The following EIF3E variants were observed in gnomAD, a reference collection of about 807,000 sequenced individuals.
The protein encoded by EIF3E is eukaryotic translation initiation factor 3 subunit E, also known as eIF-3 p48.
Under a neutral mutation model 59.3 loss-of-function variants are expected in EIF3E, and 25 were observed. The ratio of observed to expected loss-of-function variants is 0.42; its 90% CI spans 0.31 to 0.59. The LOEUF (loss-of-function observed/expected upper bound fraction) is 0.59. EIF3E is among the 20% of genes least tolerant of loss of function. EIF3E has a pLI of 0.15. For missense variants in EIF3E, 317 were observed against 534.3 expected (o/e 0.59, Z 4.01); for synonymous variants, 176 against 170.2 (o/e 1.03, Z -0.26).
intron 5 of EIF3E, chr8:108,233,631 CA>C: frequency 2.5e-6 from 1 of 397,800 alleles, no homozygotes; most frequent in Non-Finnish European, 5.1e-6. Context: ...CACTTCAGGC[CA>C]GGAGTTTGAG....
chr8:108,208,574 T>A (rs1011332800), intron 10 of EIF3E, among the ~76,000 whole-genome samples: 1 of 151,862 alleles, frequency 6.6e-6, no homozygotes, highest in African/African-American at 2.4e-5. Flanking sequence ...GCAATGATAA[T>A]GGCCTTTGAA....
intron 5 of EIF3E, 169 bp from the exon 6 acceptor site, chr8:108,229,364 C>T: frequency 1.7e-6 from 1 of 582,612 alleles, no homozygotes; most frequent in Non-Finnish European, 2.7e-6. Flanking sequence ...TTTCAAAAAA[C>T]CTTTGCTAAA....
Position 108,248,717 on chromosome 8 carries a change from G to A in EIF3E, c.-15C>T, listed in dbSNP as rs756367147. On this transcript the variant is annotated 5_prime_UTR_variant, in exon 1 of 13. Transcript: ENST00000220849. ...TACTCCGCCATCTTGCCAAAGAAAA[G>A]GGAGTCTGTGCTCACTAAAACTTTA... is the stretch of plus-strand genomic sequence containing the variant. 1.3e-5 allele frequency: 21 copies of A among 1,613,814 alleles called. No individual in the cohort carries two copies. Among genetic ancestry groups the A allele is most frequent in the African/African-American group, 2.7e-5 (2 of 74,930 alleles).
chr8:108,203,979 A>C (rs997830219), intron 10 of EIF3E, among the ~76,000 whole-genome samples: 1 of 152,140 alleles, frequency 6.6e-6, no homozygotes, highest in African/African-American at 2.4e-5. Flanking sequence ...ATGAAAAACC[A>C]ATACAGTATA....
Position 108,217,440 on chromosome 8 carries a change from G to A in EIF3E, c.743C>T (p.Thr248Ile). 1 of 1,600,198 alleles carries A rather than the reference G, an allele frequency of 6.2e-7. No individual in the cohort carries two copies. Among genetic ancestry groups the A allele is most frequent in the South Asian group, 1.1e-5 (1 of 88,440 alleles). ...YQPQYLNAIQ[T>I]MCPHILRYLT... Reference sequence around the variant, plus strand: ...ATAGCGAAGAATGTGTGGACACATTGTCTGAATTGCATTAAGATATCTAAG... The same window carrying A: ...ATAGCGAAGAATGTGTGGACACATTATCTGAATTGCATTAAGATATCTAAG... The change falls in exon 8 of 13, where the codon ACA (threonine) becomes ATA (isoleucine). Residue 248 changes from threonine (T) to isoleucine (I), a missense_variant. By Grantham distance (89) the Thr-to-Ile change is moderately conservative (BLOSUM62 -1). This residue lies in a region of EIF3E where 242 missense variants were observed against 398.0 expected (regional missense o/e 0.61). Coordinates refer to ENST00000220849, the MANE Select transcript of EIF3E (RefSeq NM_001568.3).
chr8:108,234,101 C>T lies in EIF3E; in HGVS notation c.471+897G>A, dbSNP rs570471880. 3.9e-5 allele frequency among the ~76,000 whole-genome samples: 6 copies of T among 152,240 alleles called. No individual in the cohort carries two copies. In the South Asian group the frequency reaches 1.0e-3, roughly 26 times the overall value. On this transcript the variant is annotated intron_variant, in intron 5 of 12. Coordinates refer to ENST00000220849, the MANE Select transcript of EIF3E (RefSeq NM_001568.3). The stretch of plus-strand genomic sequence containing the variant: ...AGGCTGCAGTGCAGTGGCACCATCT[C>T]GGCTCACTGCAACCTCCACCTCCCA...
At chr8:108,238,278 G>A (rs963057314) in intron 3 of EIF3E, among the ~76,000 whole-genome samples, 3 of 152,058 alleles carry the variant, frequency 2.0e-5, no homozygotes, top group African/African-American at 4.8e-5. Flanking sequence ...GTGTTTTCCC[G>A]CATATAGTCA....
At chr8:108,242,267 C>T in intron 1 of EIF3E, 12 of 1,292,310 alleles carry the variant, frequency 9.3e-6, no homozygotes, top group Non-Finnish European at 1.2e-5. Flanking sequence ...CTGTAAAGCA[C>T]ATATAGCTGT....
intron 5 of EIF3E, among the ~76,000 whole-genome samples, chr8:108,232,853 C>G (rs1815648602): frequency 6.6e-6 from 1 of 152,034 alleles, no homozygotes; most frequent in Non-Finnish European, 1.5e-5. Context: ...ATGGCACATT[C>G]ACTCACTGAC....
At chr8:108,237,199 G>A (rs1258014552) in intron 3 of EIF3E, among the ~76,000 whole-genome samples, 1 of 151,548 alleles carries the variant, frequency 6.6e-6, no homozygotes, top group African/African-American at 2.4e-5. Context: ...AATAAAGAAA[G>A]ACATCAAGGG....
chr8:108,242,654 T>A (rs1815860282), intron 1 of EIF3E: 2 of 1,144,634 alleles, frequency 1.7e-6, no homozygotes, highest in African/African-American at 1.6e-5. Flanking sequence ...TATTTAGCCA[T>A]GAGAGCAAAA....
chr8:108,211,049 A>G (rs905363438), intron 10 of EIF3E, among the ~76,000 whole-genome samples: 6 of 152,208 alleles, frequency 3.9e-5, no homozygotes, highest in Admixed American at 3.9e-4. Flanking sequence ...TAGTGCCTCA[A>G]TAAACATATG....
intron 10 of EIF3E, among the ~76,000 whole-genome samples, chr8:108,207,298 C>T (rs943178883): frequency 6.6e-6 from 1 of 152,100 alleles, no homozygotes; most frequent in Admixed American, 6.5e-5. Context: ...CAGCAAGACC[C>T]TGTCTCTACA....
chr8:108,225,824 A>C (rs1053088733), intron 7 of EIF3E, among the ~76,000 whole-genome samples: 1 of 151,714 alleles, frequency 6.6e-6, no homozygotes, highest in African/African-American at 2.4e-5. Flanking sequence ...TTAACCCAGC[A>C]ACTGAAGGTC....
Position 108,229,195 on chromosome 8 carries a change from C to T in EIF3E, c.472G>A (p.Val158Ile), listed in dbSNP as rs773972048. The change falls in exon 6 of 13, where the codon GTT becomes ATT. Residue 158 changes from valine (V) to isoleucine (I), a missense_variant and splice_region_variant. This residue lies in a region of EIF3E where 242 missense variants were observed against 398.0 expected (regional missense o/e 0.61). Transcript: ENST00000220849. Reference sequence around the variant, plus strand: ...AAAGCATTTCTATCTGTTGCTGGAACCTGTTTAAGAAATCATAATTAATTA... The same window carrying T: ...AAAGCATTTCTATCTGTTGCTGGAATCTGTTTAAGAAATCATAATTAATTA... ...AEYLYFFRVL[V>I]PATDRNALSS... 6.2e-7 allele frequency: 1 copy of T among 1,611,484 alleles called. No homozygotes were observed. The highest frequency in any genetic ancestry group is 1.1e-5 in the South Asian group (1 of 90,656).
intron 3 of EIF3E, among the ~76,000 whole-genome samples, chr8:108,237,001 G>T (rs1237583894): frequency 6.6e-6 from 1 of 151,848 alleles, no homozygotes; most frequent in East Asian, 1.9e-4. Flanking sequence ...CAGCCTGGGC[G>T]ACAGAGTGAG....
chr8:108,212,919 T>C (rs1167258984), intron 10 of EIF3E, among the ~76,000 whole-genome samples: 4 of 151,928 alleles, frequency 2.6e-5, no homozygotes, highest in Non-Finnish European at 5.9e-5. Context: ...ATGCTACTAC[T>C]AGAAAAAAAA....
chr8:108,240,368 AG>A (rs1302666017), intron 2 of EIF3E, among the ~76,000 whole-genome samples: 2 of 152,232 alleles, frequency 1.3e-5, no homozygotes, highest in African/African-American at 4.8e-5. Context: ...AAAAAAGGGT[AG>A]GACCCAATTA....
chr8:108,218,463 T>C (rs188147793), intron 7 of EIF3E, among the ~76,000 whole-genome samples: 1 of 152,310 alleles, frequency 6.6e-6, no homozygotes, highest in Admixed American at 6.5e-5. Flanking sequence ...TTTAAACTCT[T>C]TAGAGGACCC....
Sources: allele counts gnomAD v4.1 joint callset (sites outside exome capture counted in the v4.1 genomes callset), GRCh38; gene constraint gnomAD v4.1.1; regional missense constraint gnomAD v4.1.1; transcripts MANE v1.5; gene names NCBI Gene and HGNC (gene_info 2026-07-23, HGNC 2026-07-21).